Variants in FNDC3A observed in about 807,000 individuals in gnomAD.
FNDC3A encodes fibronectin type-III domain-containing protein 3A.
FNDC3A carries 32 observed loss-of-function variants against 148.9 expected under a neutral mutation model. That is an observed-to-expected ratio of 0.21 (90% CI 0.16 to 0.29). FNDC3A has a LOEUF of 0.29. Among genes scored for constraint, FNDC3A ranks in the 10% least tolerant of loss-of-function variants. The probability of loss-of-function intolerance (pLI) is 1.00; values close to 1 mark genes in which losing one functional copy is unlikely to be tolerated. For missense variants in FNDC3A, 1,191 were observed against 1,452.8 expected (o/e 0.82, Z 2.93); for synonymous variants, 472 against 473.6 (o/e 1.00, Z 0.04).
chr13:49,020,278 A>G (rs1367145293), intron 2 of FNDC3A, among the ~76,000 whole-genome samples: 2 of 152,198 alleles, frequency 1.3e-5, no homozygotes, highest in Admixed American at 6.5e-5. Context: ...CATGTTAATG[A>G]TACACGATTT....
chr13:49,052,369 G>T (rs1016142570), intron 2 of FNDC3A, among the ~76,000 whole-genome samples: 2 of 152,100 alleles, frequency 1.3e-5, no homozygotes, highest in African/African-American at 4.8e-5. Context: ...GTCCCATGGG[G>T]TCCTCCCTTT....
At chr13:49,138,628 A>G in intron 6 of FNDC3A, 119 bp from the exon 7 acceptor site, 1 of 552,726 alleles carries the variant, frequency 1.8e-6, no homozygotes, top group Non-Finnish European at 3.3e-6. Flanking sequence ...ACAAAGGAAT[A>G]AAAACTAGAA....
chr13:49,080,473 G>GT (rs1380100524), intron 3 of FNDC3A, among the ~76,000 whole-genome samples: 2 of 152,104 alleles, frequency 1.3e-5, no homozygotes, highest in Non-Finnish European at 2.9e-5. Context: ...TCTGTCTCAG[G>GT]TTTTTTCTGT....
chr13:49,040,736 AG>A lies in FNDC3A; in HGVS notation c.99+34449del, dbSNP rs150297021. Among the ~76,000 whole-genome samples, 106 of 152,344 alleles carry A rather than the reference AG, an allele frequency of 7.0e-4. 1 individual carries two copies. In the East Asian group the frequency reaches 0.019, roughly 27 times the overall value. ...CACTTTATGATAGTATATTTGTAAA[AG>A]GTGCTCTGTAATATACCCCTGTGCA... On this transcript the variant is annotated intron_variant, in intron 2 of 25. Transcript: ENST00000492622.
chr13:49,112,539 A>C (rs1012558077), intron 3 of FNDC3A, among the ~76,000 whole-genome samples: 2 of 152,192 alleles, frequency 1.3e-5, no homozygotes, highest in African/African-American at 4.8e-5. Context: ...ACGGATGTAA[A>C]GACAACAAAG....
At chr13:49,122,144 T>G (rs1881391230) in intron 4 of FNDC3A, among the ~76,000 whole-genome samples, 1 of 152,164 alleles carries the variant, frequency 6.6e-6, no homozygotes, top group Admixed American at 6.5e-5. Flanking sequence ...TCCAAAAGCT[T>G]ATCCACCATA....
At chr13:49,143,220 A>T (rs140026125) in intron 7 of FNDC3A, among the ~76,000 whole-genome samples, 9 of 152,248 alleles carry the variant, frequency 5.9e-5, no homozygotes, top group African/African-American at 2.2e-4. Flanking sequence ...CTGGAAAAGC[A>T]GAAATTGAAA....
rs547470052 is a variant in FNDC3A, at chr13:48,982,178, T to A, written c.-40+6001T>A. ...ATTAGTCATTTCATTTACTTTAAAATCAGTTTTTCTTAAGATTTGCTTAAA... is the reference window on the plus strand; with the variant it reads ...ATTAGTCATTTCATTTACTTTAAAAACAGTTTTTCTTAAGATTTGCTTAAA... On this transcript the variant is annotated intron_variant, in intron 1 of 25. Transcript: ENST00000492622. Among the ~76,000 whole-genome samples the A allele has an allele frequency of 3.9e-5, 6 of 152,264 alleles. No homozygotes were observed. The East Asian group carries it at 9.6e-4, about 24-fold the overall frequency.
chr13:49,114,114 A>G (rs1411180910), intron 3 of FNDC3A, among the ~76,000 whole-genome samples: 1 of 152,100 alleles, frequency 6.6e-6, no homozygotes, highest in African/African-American at 2.4e-5. Context: ...CACATTACAC[A>G]AGTATTTTAA....
At chr13:49,033,909 T>C (rs553194279) in intron 2 of FNDC3A, among the ~76,000 whole-genome samples, 16 of 152,106 alleles carry the variant, frequency 1.1e-4, no homozygotes, top group Admixed American at 2.0e-4. Flanking sequence ...TCAATAGTTA[T>C]AGATTAGTTT....
chr13:49,171,742 ACT>A (rs1378984493), intron 10 of FNDC3A, among the ~76,000 whole-genome samples: 1 of 151,970 alleles, frequency 6.6e-6, no homozygotes, highest in Non-Finnish European at 1.5e-5. Flanking sequence ...AGCTGATAAA[ACT>A]CTCTGGAAGA....
intron 1 of FNDC3A, among the ~76,000 whole-genome samples, chr13:48,996,568 A>G (rs966439145): frequency 2.0e-5 from 3 of 152,220 alleles, no homozygotes; most frequent in Admixed American, 6.5e-5. Flanking sequence ...GAGAATGTGC[A>G]TAGGTTATAT....
intron 1 of FNDC3A, among the ~76,000 whole-genome samples, chr13:48,997,312 G>A (rs1456094724): frequency 1.3e-5 from 2 of 152,114 alleles, no homozygotes; most frequent in African/African-American, 4.8e-5. Flanking sequence ...TGGAATTAAC[G>A]GATATGAATA....
intron 4 of FNDC3A, among the ~76,000 whole-genome samples, chr13:49,126,099 C>T (rs1881677024): frequency 6.6e-6 from 1 of 152,056 alleles, no homozygotes; most frequent in Admixed American, 6.5e-5. Flanking sequence ...ACATGATGGC[C>T]ATTTCTTAGC....
intron 3 of FNDC3A, among the ~76,000 whole-genome samples, chr13:49,091,003 T>A (rs1879156641): frequency 6.6e-6 from 1 of 152,076 alleles, no homozygotes; most frequent in Non-Finnish European, 1.5e-5. Context: ...CAAATCTGCT[T>A]TTACAGGGAA....
intron 8 of FNDC3A, among the ~76,000 whole-genome samples, chr13:49,149,378 A>G (rs1246240336): frequency 6.6e-6 from 1 of 152,000 alleles, no homozygotes; most frequent in Admixed American, 6.6e-5. Context: ...ATGTCCCTTT[A>G]GTGCCTAGTT....
intron 15 of FNDC3A, among the ~76,000 whole-genome samples, chr13:49,186,879 T>C (rs1270690982): frequency 6.6e-6 from 1 of 151,814 alleles, no homozygotes; most frequent in African/African-American, 2.4e-5. Context: ...AAAAAATAAA[T>C]AAAAATAAGT....
chr13:49,134,929 A>G (rs1457721819), intron 5 of FNDC3A, among the ~76,000 whole-genome samples: 2 of 132,800 alleles, frequency 1.5e-5, no homozygotes, highest in East Asian at 4.4e-4. Flanking sequence ...GCTCACTGCA[A>G]CCTCTGCCCT....
intron 8 of FNDC3A, among the ~76,000 whole-genome samples, chr13:49,159,016 A>G (rs1475552477): frequency 6.6e-6 from 1 of 152,150 alleles, no homozygotes; most frequent in Non-Finnish European, 1.5e-5. Context: ...TGTTTTAGTT[A>G]CTGTAGCCTT....
Sources: gnomAD v4.1 joint callset for allele counts (sites outside exome capture counted in the v4.1 genomes callset) on GRCh38, gnomAD v4.1.1 for gene constraint, MANE v1.5 for transcripts, NCBI Gene and HGNC (gene_info 2026-07-23, HGNC 2026-07-21) for gene names.